The following STARD9 variants were observed in gnomAD, a reference collection of about 807,000 sequenced individuals.
The protein encoded by STARD9 is StAR related lipid transfer domain containing 9.
A neutral mutation model predicts 399.8 loss-of-function variants in STARD9; 346 were observed. That is an observed-to-expected ratio of 0.87 (90% confidence interval 0.79 to 0.95). The LOEUF is 0.95. Ranked by LOEUF, STARD9 falls within the 40% of genes least tolerant of loss-of-function variation. The pLI is 0.00. For missense variants in STARD9, 5,832 were observed against 5,667.5 expected (o/e 1.03, Z -0.93); for synonymous variants, 2,203 against 2,143.5 (o/e 1.03, Z -0.77).
chr15:42,704,620 C>G (rs1470417682), intron 26 of STARD9, among the ~76,000 whole-genome samples: 2 of 152,176 alleles, frequency 1.3e-5, no homozygotes, highest in African/African-American at 2.4e-5. Context: ...GACTCTGTTA[C>G]AGACTCCAAT....
chr15:42,675,944 C>T lies in STARD9; in HGVS notation c.1843C>T (p.Leu615=), dbSNP rs1247493707. 1 of 1,535,032 alleles carries T rather than the reference C, an allele frequency of 6.5e-7. No homozygotes were observed. Among genetic ancestry groups the T allele is most frequent in the Non-Finnish European group, 8.7e-7 (1 of 1,146,392 alleles). Residue 615 remains leucine, a synonymous_variant, in exon 20 of 33, where the codon CTG becomes TTG. Transcript: ENST00000290607. ...DLDGDLAASR[L]GLSPLLWKER... is the part of the protein sequence containing the mutation. ...GGATGGAGATCTCGCTGCCTCCCGG[C>T]TGGGTCTCTCCCCTTTGCTTTGGAA... is the stretch of plus-strand genomic sequence containing the variant.
At chr15:42,700,863 A>G (rs2060950215) in intron 26 of STARD9, among the ~76,000 whole-genome samples, 1 of 152,094 alleles carries the variant, frequency 6.6e-6, no homozygotes, top group African/African-American at 2.4e-5. Flanking sequence ...GTCATAAAGC[A>G]TTTCTCCTAT....
At chr15:42,695,096 G>A (rs1251286483) in intron 24 of STARD9, 44 bp from the exon 25 acceptor site, 2 of 1,464,832 alleles carry the variant, frequency 1.4e-6, no homozygotes, top group East Asian at 2.5e-5. Flanking sequence ...GACCAGGACT[G>A]TCACCCACCC....
At chr15:42,717,643 A>C in intron 28 of STARD9, 88 bp from the exon 29 acceptor site, 2 of 1,161,130 alleles carry the variant, frequency 1.7e-6, no homozygotes, top group South Asian at 1.3e-5. Flanking sequence ...AGAAAAGGGG[A>C]ATTTAGCAGA....
chr15:42,674,079 T>C, intron 16 of STARD9: 2 of 443,188 alleles, frequency 4.5e-6, no homozygotes, highest in South Asian at 1.6e-5. Context: ...TACTTTTGCA[T>C]GTACTTTCTC....
At chr15:42,660,385 T>C (rs957182368) in intron 9 of STARD9, among the ~76,000 whole-genome samples, 5 of 151,786 alleles carry the variant, frequency 3.3e-5, no homozygotes, top group Non-Finnish European at 7.4e-5. Flanking sequence ...GCCAACATGG[T>C]GAAACCCTGT....
Position 42,718,024 on chromosome 15 carries a change from CT to C in STARD9, c.13608del (p.Thr4538LeufsTer44). 2.0e-6 allele frequency: 3 copies of C among 1,537,250 alleles called. No individual in the cohort carries two copies. The highest frequency in any genetic ancestry group is 2.6e-6 in the Non-Finnish European group (3 of 1,146,920). ...GTGCAGCTTTACTACAAGGTGTTTT[CT>C]CCCACTCGGCATGGCTTCCTGGGGG... ...QAVQLYYKVFSPTRHGFLGAG... is the reference protein window; with the variant it reads ...QAVQLYYKVFXPTRHGFLGAG... On this transcript the variant is annotated frameshift_variant, in exon 30 of 33. Coordinates refer to ENST00000290607, the MANE Select transcript of STARD9 (RefSeq NM_020759.3). LOFTEE classifies it high-confidence loss of function.
At position 42,689,148 on chromosome 15, in the gene STARD9, G is replaced by A. The variant is rs1209083548; in HGVS notation, c.7570G>A (p.Ala2524Thr). The A allele has an allele frequency of 1.3e-6, 2 of 1,537,284 alleles. No individual in the cohort carries two copies. Among genetic ancestry groups the A allele is most frequent in the Non-Finnish European group, 8.7e-7 (1 of 1,146,932 alleles). ...CGGACTGACCAGCGGTGTTTCCTTA[G>A]CACCTGTTTCCCTGCCGAGGGTGCC... ...DVGLTSGVSLAPVSLPRVPSP... is the reference protein window; with the variant it reads ...DVGLTSGVSLTPVSLPRVPSP... Residue 2524 changes from alanine to threonine, a missense_variant, in exon 23 of 33, where the codon GCA becomes ACA. By Grantham distance (58) the Ala-to-Thr change is moderately conservative. Around this residue, in one of 2 missense-constraint regions of STARD9, gnomAD observed 5,828 missense variants for 5,651.1 expected, o/e 1.03. Coordinates refer to ENST00000290607, the MANE Select transcript of STARD9 (RefSeq NM_020759.3).
At chr15:42,701,992 C>CA (rs57444195) in intron 26 of STARD9, among the ~76,000 whole-genome samples, 12,213 of 43,064 alleles carry the variant, frequency 0.28, 2,061 homozygotes, top group Non-Finnish European at 0.33. Context: ...GACTCTGACT[C>CA]AAAAAAAAAA....
intron 26 of STARD9, among the ~76,000 whole-genome samples, chr15:42,699,635 T>C (rs1034351386): frequency 4.6e-5 from 7 of 152,048 alleles, no homozygotes; most frequent in Non-Finnish European, 7.4e-5. Flanking sequence ...CCTCGTGATC[T>C]GCCCGCCTTG....
At chr15:42,638,852 AG>A (rs919457738) in intron 7 of STARD9, 40 bp downstream of exon 7, 1 of 1,203,894 alleles carries the variant, frequency 8.3e-7, no homozygotes, top group Non-Finnish European at 1.2e-6. Context: ...ACCAAACTGA[AG>A]CCTGGGAAGC....
intron 3 of STARD9, among the ~76,000 whole-genome samples, chr15:42,606,259 C>T (rs1263423870): frequency 6.6e-6 from 1 of 152,158 alleles, no homozygotes; most frequent in Non-Finnish European, 1.5e-5. Context: ...CTCACCACAT[C>T]CTGCTACCTT....
chr15:42,600,494 G>A (rs1269421644), intron 3 of STARD9, among the ~76,000 whole-genome samples: 4 of 151,800 alleles, frequency 2.6e-5, no homozygotes, highest in African/African-American at 9.7e-5. Context: ...GTGTGTGTGA[G>A]AGAGAGAGGG....
At chr15:42,633,381 T>G (rs925987017) in intron 3 of STARD9, among the ~76,000 whole-genome samples, 1 of 152,084 alleles carries the variant, frequency 6.6e-6, no homozygotes, top group African/African-American at 2.4e-5. Context: ...TGTCACAGAA[T>G]TGAAGGGAAA....
At chr15:42,697,411 C>T (rs1276423451) in intron 26 of STARD9, among the ~76,000 whole-genome samples, 3 of 152,066 alleles carry the variant, frequency 2.0e-5, no homozygotes, top group African/African-American at 7.3e-5. Flanking sequence ...TTCTTTTTAA[C>T]AGCTGAATAG....
rs1005270617 is a variant in STARD9, at chr15:42,669,185, C to T, written c.1345C>T (p.Gln449Ter). The change falls in exon 16 of 33, where the codon CAG becomes TAG. Residue 449 changes from glutamine to a stop codon, truncating the protein, a stop_gained. Coordinates refer to ENST00000290607, the MANE Select transcript of STARD9 (RefSeq NM_020759.3). LOFTEE classifies it high-confidence loss of function. ...KIDQLTKDWT[Q>*]KWNDWQALME... Reference sequence around the variant, plus strand: ...AGACCAGCTGACTAAAGACTGGACCCAGAAGTGGAATGATTGGCAGGCCCT... The same window carrying T: ...AGACCAGCTGACTAAAGACTGGACCTAGAAGTGGAATGATTGGCAGGCCCT... 5 of 1,535,590 alleles carry T rather than the reference C, an allele frequency of 3.3e-6. No individual in the cohort carries two copies. In the African/African-American group the frequency reaches 6.8e-5, roughly 21 times the overall value.
intron 1 of STARD9, chr15:42,581,286 G>C (rs2058163157): frequency 9.4e-7 from 1 of 1,067,934 alleles, no homozygotes; most frequent in South Asian, 1.3e-5. Context: ...TGGGGTCTGA[G>C]CCATGGAAGA....
Position 42,685,997 on chromosome 15 carries a change from G to T in STARD9, c.4419G>T (p.Leu1473Phe). 6.5e-7 allele frequency: 1 copy of T among 1,537,258 alleles called. No individual in the cohort carries two copies. Among genetic ancestry groups the T allele is most frequent in the Non-Finnish European group, 8.7e-7 (1 of 1,146,906 alleles). ...SNVLAASATT[L>F]THVGSTHERD... ...TGCTGGCTGCCTCTGCCACCACCTT[G>T]ACTCATGTAGGCAGCACCCATGAAA... The change falls in exon 23 of 33, where the codon TTG becomes TTT. Residue 1473 changes from leucine to phenylalanine, a missense_variant. Leu to Phe is a conservative substitution (Grantham distance 22). Transcript: ENST00000290607.
rs112466002 is a variant in STARD9, at chr15:42,592,527, C to T, written c.234+6890C>T. 8.2e-4 allele frequency among the ~76,000 whole-genome samples: 125 copies of T among 152,262 alleles called. 1 individual carries two copies. Among genetic ancestry groups the T allele is most frequent in the African/African-American group, 2.6e-3 (110 of 41,542 alleles). On this transcript the variant is annotated intron_variant, in intron 3 of 32. Transcript: ENST00000290607. The stretch of plus-strand genomic sequence containing the variant: ...TGGTGCGATCTTAGCTCACTGCAAT[C>T]TCCGCCTTCCGGTTTCTAGCAATTC...
Sources: allele counts gnomAD v4.1 joint callset (sites outside exome capture counted in the v4.1 genomes callset), GRCh38; gene constraint gnomAD v4.1.1; regional missense constraint gnomAD v4.1.1; transcripts MANE v1.5; gene names NCBI Gene and HGNC (gene_info 2026-07-23, HGNC 2026-07-21).